USP49: variants seen among roughly 807,000 people sequenced by gnomAD.
USP49 encodes ubiquitin specific peptidase 49.
USP49 carries 24 observed loss-of-function variants against 58.6 expected under a neutral mutation model. That is an observed-to-expected ratio of 0.41 (90% CI 0.30 to 0.58). USP49 has a LOEUF of 0.58. Among genes scored for constraint, USP49 ranks in the 20% least tolerant of loss-of-function variants. The pLI is 0.30. For missense variants in USP49, 703 were observed against 866.1 expected (o/e 0.81, Z 2.36); for synonymous variants, 408 against 365.1 (o/e 1.12, Z -1.34).
intron 3 of USP49, among the ~76,000 whole-genome samples, chr6:41,824,894 C>T (rs531294903): frequency 6.6e-6 from 1 of 152,304 alleles, no homozygotes; most frequent in South Asian, 2.1e-4. Context: ...TCAAATAAGG[C>T]ATAGAAGGCA....
chr6:41,855,784 G>C (rs1002166382), intron 3 of USP49, among the ~76,000 whole-genome samples: 3 of 151,604 alleles, frequency 2.0e-5, no homozygotes, highest in African/African-American at 4.8e-5. Context: ...ACTGTGGCTT[G>C]TGCCTGTAAT....
At chr6:41,865,718 A>G (rs1380413577) in intron 3 of USP49, among the ~76,000 whole-genome samples, 1 of 151,514 alleles carries the variant, frequency 6.6e-6, no homozygotes, top group Non-Finnish European at 1.5e-5. Context: ...AGCTCACTGT[A>G]ACCTCGAACT....
intron 3 of USP49, among the ~76,000 whole-genome samples, chr6:41,848,163 G>A (rs996629531): frequency 1.3e-5 from 2 of 151,966 alleles, no homozygotes; most frequent in Non-Finnish European, 2.9e-5. Flanking sequence ...CTTTAAAGAT[G>A]ATTTATGCAA....
intron 3 of USP49, among the ~76,000 whole-genome samples, chr6:41,869,246 A>G (rs1446977777): frequency 6.6e-6 from 1 of 152,154 alleles, no homozygotes; most frequent in South Asian, 2.1e-4. Flanking sequence ...CAAAACTGCT[A>G]TGACTCTAGC....
At chr6:41,801,491 G>A (rs571113554) in intron 5 of USP49, among the ~76,000 whole-genome samples, 140 of 152,304 alleles carry the variant, frequency 9.2e-4, no homozygotes, top group African/African-American at 3.2e-3. Context: ...GTCACAATAC[G>A]TGGGGGCATG....
At chr6:41,883,061 C>T (rs916041386) in intron 2 of USP49, among the ~76,000 whole-genome samples, 3 of 151,858 alleles carry the variant, frequency 2.0e-5, no homozygotes, top group Non-Finnish European at 4.4e-5. Context: ...AAGAAAAATA[C>T]AGGAAACAAA....
At chr6:41,845,451 C>T (rs745976595) in intron 3 of USP49, among the ~76,000 whole-genome samples, 2 of 151,514 alleles carry the variant, frequency 1.3e-5, no homozygotes, top group African/African-American at 2.4e-5. Flanking sequence ...ACCCAGGAGG[C>T]GGAGGTTGTG....
rs1772888092 is a variant in USP49 at position 41,796,416 on chromosome 6, T to G, written c.*117A>C. On this transcript the variant is annotated 3_prime_UTR_variant, in exon 8 of 8. Transcript: ENST00000682992. ...ACACGAATCACCTGGCACCTTCTAC[T>G]CTAGACCCAGCAAGGCAAACCTAGT... The G allele has an allele frequency of 1.1e-5, 7 of 614,432 alleles. No homozygotes were observed. The highest frequency in any genetic ancestry group is 1.8e-5 in the Non-Finnish European group (6 of 337,058). 38.1% of individuals were successfully genotyped at this position (614,432 alleles called of 1,614,324 possible). A position where few individuals can be genotyped will look rare whatever the true frequency, so the allele number is the denominator to read the frequency against.
intron 3 of USP49, among the ~76,000 whole-genome samples, chr6:41,840,373 CAA>C (rs55886124): frequency 1.8e-4 from 15 of 82,498 alleles, no homozygotes; most frequent in Admixed American, 5.6e-4. Flanking sequence ...AACTCCGTCT[CAA>C]AAAAAAAAAA....
chr6:41,791,947 T>C lies in USP49; in HGVS notation c.*4586A>G, dbSNP rs1221518215. 1 of 152,232 alleles carries C rather than the reference T, an allele frequency of 6.6e-6. No individual in the cohort carries two copies. The highest frequency in any genetic ancestry group is 1.5e-5 in the Non-Finnish European group (1 of 68,038). The allele number at this position is 152,232 out of a possible 1,614,324, so 9.4% of individuals were successfully genotyped here. On this transcript the variant is annotated 3_prime_UTR_variant, in exon 8 of 8. Transcript: ENST00000682992. Reference sequence around the variant, plus strand: ...GCCCTGGAAAGTTTTACCCCAAAGATACAACTTCTTCACTTATTTAGTTCA... The same window carrying C: ...GCCCTGGAAAGTTTTACCCCAAAGACACAACTTCTTCACTTATTTAGTTCA...
intron 3 of USP49, among the ~76,000 whole-genome samples, chr6:41,850,421 C>T (rs1774005305): frequency 6.9e-6 from 1 of 143,964 alleles, no homozygotes; most frequent in Non-Finnish European, 1.5e-5. Context: ...CCAGCCTGGG[C>T]AACAGAGTGA....
At chr6:41,827,675 CAAAAAA>C (rs373056101) in intron 3 of USP49, among the ~76,000 whole-genome samples, 4 of 92,326 alleles carry the variant, frequency 4.3e-5, no homozygotes, top group African/African-American at 1.7e-4. Flanking sequence ...ACTCTGTCTC[CAAAAAA>C]AAAAAAAAAA....
At chr6:41,798,401 G>C (rs537421052) in intron 7 of USP49, 1 of 388,608 alleles carries the variant, frequency 2.6e-6, no homozygotes, top group South Asian at 3.3e-5. Flanking sequence ...AGCCTCTTGA[G>C]TACCTGGGAT....
chr6:41,821,148 T>G (rs1773445816), intron 3 of USP49, among the ~76,000 whole-genome samples: 1 of 152,212 alleles, frequency 6.6e-6, no homozygotes, highest in African/African-American at 2.4e-5. Flanking sequence ...TTACCATCAT[T>G]TCTAGTTTTA....
chr6:41,831,451 G>A (rs893973465), intron 3 of USP49, among the ~76,000 whole-genome samples: 4 of 151,164 alleles, frequency 2.6e-5, no homozygotes, highest in South Asian at 2.1e-4. Context: ...GTGGTGGTGC[G>A]CACCTGTAAT....
At chr6:41,817,841 C>G (rs1044991547) in intron 3 of USP49, among the ~76,000 whole-genome samples, 2 of 152,104 alleles carry the variant, frequency 1.3e-5, no homozygotes, top group Non-Finnish European at 2.9e-5. Context: ...GTCTCGAACT[C>G]CTGACCTAAA....
chr6:41,876,135 T>C (rs1470218171), intron 2 of USP49, among the ~76,000 whole-genome samples: 2 of 152,214 alleles, frequency 1.3e-5, no homozygotes, highest in Non-Finnish European at 2.9e-5. Context: ...CATATTGTTA[T>C]GTCACTTTAT....
At chr6:41,814,387 A>G (rs925378968) in intron 3 of USP49, among the ~76,000 whole-genome samples, 7 of 152,188 alleles carry the variant, frequency 4.6e-5, no homozygotes, top group African/African-American at 1.7e-4. Context: ...TCTTTTCAAC[A>G]TTTATCTTTT....
chr6:41,802,124 T>C (rs1773009542), intron 5 of USP49, among the ~76,000 whole-genome samples: 1 of 152,038 alleles, frequency 6.6e-6, no homozygotes, highest in African/African-American at 2.4e-5. Flanking sequence ...GTTAACCAGG[T>C]ATAAAATTTC....
Sources: gnomAD v4.1 joint callset for allele counts (sites outside exome capture counted in the v4.1 genomes callset) on GRCh38, gnomAD v4.1.1 for gene constraint, MANE v1.5 for transcripts, NCBI Gene and HGNC (gene_info 2026-07-23, HGNC 2026-07-21) for gene names.